The following CFAP299 variants were observed in gnomAD, a reference collection of about 807,000 sequenced individuals.
The protein encoded by CFAP299 is cilia and flagella associated protein 299.
In CFAP299, 21 loss-of-function variants were observed where a neutral mutation model predicts 27.0. The ratio of observed to expected loss-of-function variants is 0.78; its 90% CI spans 0.55 to 1.12. The LOEUF is 1.12. CFAP299 is among the 50% of genes most tolerant of loss of function. CFAP299 has a pLI of 0.00. For synonymous variants in CFAP299, 104 were observed against 98.1 expected, an observed-to-expected ratio of 1.06 and a Z score of -0.36; for missense variants, 310 against 276.6, an observed-to-expected ratio of 1.12 and a Z score of -0.86.
At chr4:80,549,247 C>T (rs1305736643) in intron 2 of CFAP299, among the ~76,000 whole-genome samples, 1 of 152,000 alleles carries the variant, frequency 6.6e-6, no homozygotes, top group African/African-American at 2.4e-5. Context: ...AATTTGGAGA[C>T]ACTCGCTAAG....
intron 3 of CFAP299, among the ~76,000 whole-genome samples, chr4:80,816,910 T>C (rs1729449592): frequency 6.6e-6 from 1 of 152,074 alleles, no homozygotes; most frequent in South Asian, 2.1e-4. Context: ...TGGGCTGCAT[T>C]CAAAGCTGTC....
rs570979076 is a variant in CFAP299 at position 80,689,819 on chromosome 4, A to G, written c.333+106636A>G. 1.1e-3 allele frequency among the ~76,000 whole-genome samples: 166 copies of G among 152,336 alleles called. No individual in the cohort carries two copies. In the Middle Eastern group the frequency reaches 0.014, roughly 12 times the overall value. On this transcript the variant is annotated intron_variant, in intron 3 of 5. Coordinates refer to ENST00000358105, the MANE Select transcript of CFAP299 (RefSeq NM_152770.3). The stretch of plus-strand genomic sequence containing the variant: ...ACCCATCTCACATGCAGAGACACAC[A>G]TAGGCTCAAAATAAAAGGATGGAGG...
intron 1 of CFAP299, among the ~76,000 whole-genome samples, chr4:80,360,060 C>T (rs1437533581): frequency 6.6e-6 from 1 of 152,190 alleles, no homozygotes; most frequent in Non-Finnish European, 1.5e-5. Context: ...GTGGATCCAG[C>T]TGACTGGCTT....
intron 3 of CFAP299, among the ~76,000 whole-genome samples, chr4:80,645,624 A>G (rs758967074): frequency 3.3e-5 from 5 of 152,216 alleles, no homozygotes; most frequent in Non-Finnish European, 5.9e-5. Flanking sequence ...AGCTGTATTT[A>G]GAATTTAAGA....
chr4:80,597,532 G>A (rs1314328782), intron 3 of CFAP299, among the ~76,000 whole-genome samples: 1 of 151,956 alleles, frequency 6.6e-6, no homozygotes, highest in East Asian at 1.9e-4. Context: ...AAATTTTAAC[G>A]TGGTCCAATT....
At chr4:80,553,955 G>A (rs561936021) in intron 2 of CFAP299, among the ~76,000 whole-genome samples, 2 of 152,170 alleles carry the variant, frequency 1.3e-5, no homozygotes, top group Non-Finnish European at 2.9e-5. Context: ...TGTTTACTCT[G>A]TTGATACTTT....
chr4:80,845,174 G>C (rs901589835), intron 3 of CFAP299, among the ~76,000 whole-genome samples: 1 of 152,202 alleles, frequency 6.6e-6, no homozygotes, highest in East Asian at 1.9e-4. Flanking sequence ...AGTATAGTTT[G>C]AAGTCAGGTA....
At chr4:80,604,356 G>A (rs964180649) in intron 3 of CFAP299, among the ~76,000 whole-genome samples, 1 of 152,102 alleles carries the variant, frequency 6.6e-6, no homozygotes, top group Admixed American at 6.6e-5. Context: ...TTGGCTAGCT[G>A]TCAGTAAGAT....
At chr4:80,508,739 G>T (rs1352172186) in intron 2 of CFAP299, among the ~76,000 whole-genome samples, 3 of 152,028 alleles carry the variant, frequency 2.0e-5, no homozygotes, top group Non-Finnish European at 4.4e-5. Flanking sequence ...AAAATTTCTT[G>T]CAGAGACCAG....
chr4:80,389,073 T>G lies in CFAP299; in HGVS notation c.242+26189T>G, dbSNP rs142552741. Among the ~76,000 whole-genome samples the G allele has an allele frequency of 6.4e-3, 973 of 152,326 alleles. 22 individuals are homozygous for G. The highest frequency in any genetic ancestry group is 0.022 in the African/African-American group (935 of 41,572). ...AGTCAGATGATCATACTATTTTTTC[T>G]TCTTTATTAAGTGTTGAAAGACATT... On this transcript the variant is annotated intron_variant, in intron 2 of 5. Transcript: ENST00000358105.
rs745956669 is a variant in CFAP299, at chr4:80,341,614, GA to G, written c.111+5740del. Among the ~76,000 whole-genome samples, 6 of 152,104 alleles carry G rather than the reference GA, an allele frequency of 3.9e-5. No homozygotes were observed. In the East Asian group the frequency reaches 9.7e-4, roughly 24 times the overall value. On this transcript the variant is annotated intron_variant, in intron 1 of 5. Transcript: ENST00000358105. ...TGGAAGAATGGCCTGAGATTTAAAAGAAAAATAGAAAGAAACAACAACAACA... is the reference window on the plus strand; with the variant it reads ...TGGAAGAATGGCCTGAGATTTAAAAGAAAATAGAAAGAAACAACAACAACA...
chr4:80,925,108 G>C (rs974397016), intron 4 of CFAP299, among the ~76,000 whole-genome samples: 7 of 151,484 alleles, frequency 4.6e-5, no homozygotes, highest in African/African-American at 1.7e-4. Context: ...TTTCCTTTAG[G>C]GTTTCTCTCA....
intron 2 of CFAP299, among the ~76,000 whole-genome samples, chr4:80,515,110 C>A (rs1368554359): frequency 6.6e-6 from 1 of 152,076 alleles, no homozygotes; most frequent in Non-Finnish European, 1.5e-5. Flanking sequence ...AATTTCTCTA[C>A]ATTTGTTTAA....
chr4:80,488,864 G>T (rs530420015), intron 2 of CFAP299, among the ~76,000 whole-genome samples: 1 of 152,180 alleles, frequency 6.6e-6, no homozygotes, highest in African/African-American at 2.4e-5. Context: ...ATCTGGAGTT[G>T]GATGGCAAAA....
At chr4:80,390,804 T>C (rs988461567) in intron 2 of CFAP299, among the ~76,000 whole-genome samples, 5 of 141,852 alleles carry the variant, frequency 3.5e-5, no homozygotes, top group South Asian at 4.4e-4. Flanking sequence ...TATATGTATA[T>C]ATGTATACAC....
At chr4:80,468,263 A>G (rs1729810383) in intron 2 of CFAP299, among the ~76,000 whole-genome samples, 1 of 150,206 alleles carries the variant, frequency 6.7e-6, no homozygotes, top group African/African-American at 2.5e-5. Context: ...TCTGTCGTCC[A>G]GGCTGGAGTG....
At chr4:80,754,386 T>C (rs1725113626) in intron 3 of CFAP299, among the ~76,000 whole-genome samples, 1 of 152,170 alleles carries the variant, frequency 6.6e-6, no homozygotes, top group African/African-American at 2.4e-5. Context: ...TAATGCTTGC[T>C]ATCTTGCTGT....
chr4:80,525,556 T>C (rs1733135342), intron 2 of CFAP299, among the ~76,000 whole-genome samples: 1 of 152,146 alleles, frequency 6.6e-6, no homozygotes. Context: ...CACTCTTGTT[T>C]AAACTTTTCT....
At chr4:80,609,281 A>G (rs1161800262) in intron 3 of CFAP299, among the ~76,000 whole-genome samples, 2 of 152,116 alleles carry the variant, frequency 1.3e-5, no homozygotes, top group Admixed American at 6.6e-5. Context: ...AGTCAAAATA[A>G]TATTCCCAGT....
Sources: gnomAD v4.1 joint callset for allele counts (sites outside exome capture counted in the v4.1 genomes callset) on GRCh38, gnomAD v4.1.1 for gene constraint, MANE v1.5 for transcripts, NCBI Gene and HGNC (gene_info 2026-07-23, HGNC 2026-07-21) for gene names.